Variants in SLC9A9 observed in about 807,000 individuals in gnomAD.
SLC9A9 encodes solute carrier family 9 member A9.
SLC9A9 carries 62 observed loss-of-function variants against 77.8 expected under a neutral mutation model. The observed-to-expected ratio is 0.80, with a 90% CI of 0.65 to 0.98. The LOEUF (loss-of-function observed/expected upper bound fraction) is 0.98. Among genes scored for constraint, SLC9A9 ranks in the 50% least tolerant of loss-of-function variants. The pLI is 0.00. For synonymous variants in SLC9A9, 320 were observed against 283.5 expected, an observed-to-expected ratio of 1.13 and a Z score of -1.29; for missense variants, 775 against 774.9, an observed-to-expected ratio of 1.00 and a Z score of 0.00.
chr3:143,410,335 C>T (rs749673375), intron 12 of SLC9A9, among the ~76,000 whole-genome samples: 2 of 152,148 alleles, frequency 1.3e-5, no homozygotes, highest in Non-Finnish European at 1.5e-5. Context: ...CCTCTTACAG[C>T]CCCCTGCCTG....
intron 4 of SLC9A9, among the ~76,000 whole-genome samples, chr3:143,765,652 A>G (rs2007290385): frequency 1.3e-5 from 2 of 152,214 alleles, no homozygotes; most frequent in South Asian, 2.1e-4. Flanking sequence ...AAAATAATCT[A>G]TGCCTCAAAA....
At chr3:143,816,168 T>G (rs983693778) in intron 2 of SLC9A9, among the ~76,000 whole-genome samples, 3 of 152,218 alleles carry the variant, frequency 2.0e-5, no homozygotes, top group Non-Finnish European at 2.9e-5. Context: ...TTCATATATG[T>G]GTAGTCGTAA....
intron 6 of SLC9A9, among the ~76,000 whole-genome samples, chr3:143,590,183 T>C (rs148569731): frequency 1.2e-3 from 190 of 152,350 alleles, no homozygotes; most frequent in African/African-American, 4.3e-3. Flanking sequence ...CTACTGTCTC[T>C]TTAGAGTAAC....
chr3:143,299,235 C>T (rs555438276), intron 14 of SLC9A9, among the ~76,000 whole-genome samples: 3 of 152,058 alleles, frequency 2.0e-5, no homozygotes, highest in Non-Finnish European at 4.4e-5. Flanking sequence ...AAAAAAAAGG[C>T]CCTAAGAAGA....
chr3:143,675,286 A>T (rs2039219471), intron 5 of SLC9A9, among the ~76,000 whole-genome samples: 1 of 152,234 alleles, frequency 6.6e-6, no homozygotes, highest in Non-Finnish European at 1.5e-5. Flanking sequence ...TAATAAAAAT[A>T]GCATAGTGCT....
intron 12 of SLC9A9, among the ~76,000 whole-genome samples, chr3:143,409,012 G>T (rs1210097234): frequency 6.6e-6 from 1 of 152,204 alleles, no homozygotes; most frequent in Non-Finnish European, 1.5e-5. Context: ...TGCAAGAGAG[G>T]CTAGTTAATT....
In SLC9A9 at chr3:143,628,221, A is replaced by G. The variant is rs1403763443; in HGVS notation, c.755+24034T>C. Among the ~76,000 whole-genome samples, 14 of 152,220 alleles carry G rather than the reference A, an allele frequency of 9.2e-5. No individual in the cohort carries two copies. The East Asian group carries it at 2.7e-3, about 29-fold the overall frequency. ...AAAAGGAGAGAAAGGGTACAGATGC[A>G]CCTCCACTTACGATGGGGTTACATC... On this transcript the variant is annotated intron_variant, in intron 6 of 15. Coordinates refer to ENST00000316549, the MANE Select transcript of SLC9A9 (RefSeq NM_173653.4).
At chr3:143,420,744 G>T (rs533047631) in intron 12 of SLC9A9, among the ~76,000 whole-genome samples, 1 of 152,150 alleles carries the variant, frequency 6.6e-6, no homozygotes, top group African/African-American at 2.4e-5. Context: ...CTTGGTGGTA[G>T]CATTATTCAC....
chr3:143,684,905 C>T (rs1933213699), intron 5 of SLC9A9, among the ~76,000 whole-genome samples: 1 of 151,906 alleles, frequency 6.6e-6, no homozygotes, highest in South Asian at 2.1e-4. Context: ...AAATAAATCG[C>T]CTATATTTTA....
chr3:143,413,855 T>A (rs1012535593), intron 12 of SLC9A9, among the ~76,000 whole-genome samples: 1 of 152,182 alleles, frequency 6.6e-6, no homozygotes. Flanking sequence ...GGTAAAGGTA[T>A]GTTAGCATGC....
chr3:143,292,505 C>G (rs531944593), intron 14 of SLC9A9, among the ~76,000 whole-genome samples: 2 of 152,208 alleles, frequency 1.3e-5, no homozygotes, highest in South Asian at 4.2e-4. Context: ...TCGCGATGTC[C>G]TATATCCTGT....
intron 11 of SLC9A9, among the ~76,000 whole-genome samples, chr3:143,488,658 C>T (rs1424836487): frequency 6.6e-6 from 1 of 151,770 alleles, no homozygotes; most frequent in Non-Finnish European, 1.5e-5. Flanking sequence ...ACATGATCAC[C>T]TCAATTGATG....
intron 4 of SLC9A9, among the ~76,000 whole-genome samples, chr3:143,749,988 AT>A (rs138025411): frequency 0.013 from 1,995 of 152,290 alleles, 61 homozygotes; most frequent in East Asian, 0.078. Flanking sequence ...ATACTACTCC[AT>A]TTTTTGTTAT....
intron 14 of SLC9A9, among the ~76,000 whole-genome samples, chr3:143,274,674 C>G (rs1937994683): frequency 6.6e-6 from 1 of 152,114 alleles, no homozygotes; most frequent in African/African-American, 2.4e-5. Context: ...TGGATATTTC[C>G]AATTCAAATA....
At chr3:143,330,362 G>C (rs962920686) in intron 14 of SLC9A9, among the ~76,000 whole-genome samples, 1 of 152,190 alleles carries the variant, frequency 6.6e-6, no homozygotes, top group African/African-American at 2.4e-5. Context: ...CTCAGAATCT[G>C]AAAGGGACAG....
At chr3:143,572,215 A>G (rs746217217) in intron 8 of SLC9A9, among the ~76,000 whole-genome samples, 9 of 152,140 alleles carry the variant, frequency 5.9e-5, no homozygotes, top group Non-Finnish European at 1.2e-4. Context: ...TTAGCCTTTA[A>G]TGTAGTTGAT....
chr3:143,518,219 C>T (rs761115052), intron 9 of SLC9A9: 15 of 1,597,300 alleles, frequency 9.4e-6, no homozygotes, highest in East Asian at 8.9e-5. Flanking sequence ...GTTCACTTTG[C>T]GGGGGTCCAT....
chr3:143,648,946 T>C (rs2038751435), intron 6 of SLC9A9, among the ~76,000 whole-genome samples: 1 of 152,182 alleles, frequency 6.6e-6, no homozygotes, highest in Non-Finnish European at 1.5e-5. Flanking sequence ...CGAAGAAAGA[T>C]TCCTGTTCAT....
At chr3:143,345,178 A>G (rs574000959) in intron 14 of SLC9A9, among the ~76,000 whole-genome samples, 1 of 152,334 alleles carries the variant, frequency 6.6e-6, no homozygotes, top group African/African-American at 2.4e-5. Flanking sequence ...CTGAAGTATA[A>G]ATTTGAGTAT....
Sources: gnomAD v4.1 joint callset for allele counts (sites outside exome capture counted in the v4.1 genomes callset) on GRCh38, gnomAD v4.1.1 for gene constraint, MANE v1.5 for transcripts, NCBI Gene and HGNC (gene_info 2026-07-23, HGNC 2026-07-21) for gene names.